ZNF540: variants seen among roughly 807,000 people sequenced by gnomAD.
ZNF540 encodes the protein zinc finger protein 540, also known as CTD-3064H18.6.
A neutral mutation model predicts 11.8 loss-of-function variants in ZNF540; 3 were observed. The observed-to-expected ratio is 0.25, with a 90% CI of 0.12 to 0.65. The LOEUF (loss-of-function observed/expected upper bound fraction) is 0.65. Among genes scored for constraint, ZNF540 ranks in the 30% least tolerant of loss-of-function variants. ZNF540 has a pLI of 0.83. For synonymous variants in ZNF540, 247 were observed against 259.0 expected (o/e 0.95, Z 0.45); for missense variants, 709 against 793.1 (o/e 0.89, Z 1.27).
intron 1 of ZNF540, among the ~76,000 whole-genome samples, chr19:37,559,880 C>T (rs554075513): frequency 1.3e-5 from 2 of 152,288 alleles, no homozygotes; most frequent in Non-Finnish European, 2.9e-5. Flanking sequence ...TATACTGTCA[C>T]CAGACTGAAA....
rs1280476137 is a variant in ZNF540, at chr19:37,588,044, G to GCA, written c.-72-10332_-72-10331insCA. ...GTACGCGGGAGGTGGAGGTTGCAGT[G>GCA]ACCCAAGATTGCGCCACTGCACTCC... On this transcript the variant is annotated intron_variant, in intron 1 of 4. Transcript: ENST00000592533. 2.7e-4 allele frequency among the ~76,000 whole-genome samples: 33 copies of GCA among 124,284 alleles called. 1 individual carries two copies. The highest frequency in any genetic ancestry group is 7.2e-3 in the Middle Eastern group (1 of 138). The allele number at this position is 124,284 out of a possible 152,430, so 81.5% of individuals were successfully genotyped here. A position where few individuals can be genotyped will look rare whatever the true frequency, so the allele number is the denominator to read the frequency against.
chr19:37,573,542 C>T lies in ZNF540; in HGVS notation c.-73+21877C>T, dbSNP rs2169797. 3.5e-3 allele frequency among the ~76,000 whole-genome samples: 528 copies of T among 151,978 alleles called. 9 individuals are homozygous for T. The East Asian group carries it at 0.037, about 11-fold the overall frequency. On this transcript the variant is annotated intron_variant, in intron 1 of 4. Coordinates refer to the ZNF540 transcript ENST00000592533. ...TTTTATCTACTAATTGAAAATAAAA[C>T]ACAGTGGGGTGCAGTGGTTCACAAC...
intron 1 of ZNF540, chr19:37,555,440 C>T (rs898162739): frequency 5.6e-5 from 9 of 160,102 alleles, no homozygotes; most frequent in Non-Finnish European, 1.2e-4. Context: ...ATATACAAGG[C>T]CCAAAAATTA....
chr19:37,593,753 A>G (rs1416873304), upstream of ZNF540, among the ~76,000 whole-genome samples: 1 of 152,050 alleles, frequency 6.6e-6, no homozygotes, highest in African/African-American at 2.4e-5. Flanking sequence ...GGACTGCTGT[A>G]TCATTGGGTG....
At chr19:37,563,519 A>C (rs1568337025) in intron 1 of ZNF540, 1 of 152,056 alleles carries the variant, frequency 6.6e-6, no homozygotes, top group Non-Finnish European at 1.5e-5. Context: ...ACACACATAT[A>C]CATATGGAAT....
intron 1 of ZNF540, chr19:37,586,436 C>G (rs2043675559): frequency 5.2e-6 from 3 of 581,940 alleles, no homozygotes; most frequent in African/African-American, 1.9e-5. Flanking sequence ...GAAGACTATG[C>G]CTGTGGACAA....
chr19:37,574,900 T>C (rs1175953658), intron 1 of ZNF540, among the ~76,000 whole-genome samples: 1 of 152,220 alleles, frequency 6.6e-6, no homozygotes, highest in African/African-American at 2.4e-5. Flanking sequence ...TCGGCCTTCA[T>C]AACTATATAA....
intron 1 of ZNF540, among the ~76,000 whole-genome samples, chr19:37,573,832 CAAAAAA>C (rs753161725): frequency 8.5e-6 from 1 of 117,822 alleles, no homozygotes; most frequent in African/African-American, 3.1e-5. Context: ...GATCCTGTTT[CAAAAAA>C]AAAAAAAGAA....
At chr19:37,571,637 T>C (rs1338176683) in intron 1 of ZNF540, among the ~76,000 whole-genome samples, 3 of 152,252 alleles carry the variant, frequency 2.0e-5, no homozygotes, top group African/African-American at 7.2e-5. Flanking sequence ...ACACATTCAG[T>C]ATGCTCCTTG....
intron 1 of ZNF540, chr19:37,563,469 G>A (rs2042742454): frequency 6.6e-6 from 1 of 151,782 alleles, no homozygotes; most frequent in African/African-American, 2.4e-5. Context: ...GGTAAATTTT[G>A]TTTATATTTC....
intron 4 of ZNF540, among the ~76,000 whole-genome samples, chr19:37,607,481 C>A (rs1419650317): frequency 6.6e-6 from 1 of 152,240 alleles, no homozygotes; most frequent in Non-Finnish European, 1.5e-5. Context: ...TCATCCCTCT[C>A]TCCACCCTAA....
At position 37,599,706 on chromosome 19, in the gene ZNF540, G is replaced by A. The variant is rs1002216013; in HGVS notation, c.90G>A (p.Leu30=). ...WECLDTTQRK[L]YRDVMLENYN... ...GCCTGGACACTACCCAGAGGAAATT[G>A]TACAGAGATGTGATGTTGGAGAATT... The change falls in exon 3 of 5, where the codon TTG becomes TTA. Residue 30 remains leucine, a synonymous_variant. Coordinates refer to ENST00000316433, the MANE Select transcript of ZNF540 (RefSeq NM_001172225.3). 4 of 1,613,054 alleles carry A rather than the reference G, an allele frequency of 2.5e-6. No homozygotes were observed. Among genetic ancestry groups the A allele is most frequent in the Middle Eastern group, 3.3e-4 (2 of 6,052 alleles).
chr19:37,594,776 T>C (rs552747968), upstream of ZNF540: 6 of 152,280 alleles, frequency 3.9e-5, no homozygotes, highest in East Asian at 7.7e-4. Context: ...CGTCAAGACA[T>C]AACAGCGTAA....
intron 1 of ZNF540, among the ~76,000 whole-genome samples, chr19:37,553,376 G>A (rs1454607670): frequency 6.6e-6 from 1 of 151,366 alleles, no homozygotes; most frequent in African/African-American, 2.4e-5. Flanking sequence ...CAGGTGATCC[G>A]CCCACCTTGG....
At chr19:37,602,383 C>G (rs1167751031) in intron 4 of ZNF540, among the ~76,000 whole-genome samples, 1 of 152,160 alleles carries the variant, frequency 6.6e-6, no homozygotes, top group African/African-American at 2.4e-5. Flanking sequence ...AATCAACTGA[C>G]TGGATGAGAT....
At chr19:37,594,809 G>A (rs987498430), upstream of ZNF540, 1 of 152,182 alleles carries the variant, frequency 6.6e-6, no homozygotes, top group African/African-American at 2.4e-5. Context: ...GCGCAGCGAC[G>A]CGGGGGCCTT....
Position 37,612,040 on chromosome 19 carries a change from C to T in ZNF540, c.760C>T (p.Leu254Phe), listed in dbSNP as rs2044134092. The T allele has an allele frequency of 1.2e-6, 2 of 1,612,856 alleles. No individual in the cohort carries two copies. Residue 254 changes from leucine (L) to phenylalanine (F), a missense_variant, in exon 5 of 5, where the codon CTT (leucine) becomes TTT (phenylalanine). Leu to Phe is a conservative substitution (Grantham distance 22). Transcript: ENST00000316433. The part of the protein sequence containing the change: ...ECQECGKTFT[L>F]YPQLNRHQKI... ...TCAAGAATGTGGGAAGACCTTTACTCTTTACCCACAACTTAATCGACATCA... is the reference window on the plus strand; with the variant it reads ...TCAAGAATGTGGGAAGACCTTTACTTTTTACCCACAACTTAATCGACATCA...
At chr19:37,581,637 A>G (rs1310914932) in intron 1 of ZNF540, among the ~76,000 whole-genome samples, 2 of 151,666 alleles carry the variant, frequency 1.3e-5, no homozygotes, top group South Asian at 2.1e-4. Context: ...GCTAATTTTT[A>G]TTTTAAGTAG....
chr19:37,601,730 T>C (rs760453857), intron 4 of ZNF540, among the ~76,000 whole-genome samples: 1 of 152,178 alleles, frequency 6.6e-6, no homozygotes, highest in African/African-American at 2.4e-5. Flanking sequence ...AGATGTGCAG[T>C]ATAGGCTTAG....
Sources: allele counts gnomAD v4.1 joint callset (sites outside exome capture counted in the v4.1 genomes callset), GRCh38; gene constraint gnomAD v4.1.1; transcripts MANE v1.5; gene names NCBI Gene and HGNC (gene_info 2026-07-23, HGNC 2026-07-21).